Variants in STK17A observed in about 807,000 individuals in gnomAD.
STK17A encodes the protein serine/threonine kinase 17a, also known as serine/threonine-protein kinase 17A.
STK17A carries 26 observed loss-of-function variants against 43.7 expected under a neutral mutation model. The ratio of observed to expected loss-of-function variants is 0.60; its 90% CI spans 0.44 to 0.83. The LOEUF is 0.83. STK17A is among the 40% of genes least tolerant of loss of function. STK17A has a pLI of 0.00. For synonymous variants in STK17A, 191 were observed against 182.5 expected, an observed-to-expected ratio of 1.05 and a Z score of -0.38; for missense variants, 476 against 511.6, an observed-to-expected ratio of 0.93 and a Z score of 0.67.
chr7:43,616,456 A>G lies in STK17A; in HGVS notation c.565-3141A>G, dbSNP rs1583672152. ...GTGGTAGGCACTGATCACAGTGACAAAAGAGTAATCAGTACTGTGGCTTCT... is the reference window on the plus strand; with the variant it reads ...GTGGTAGGCACTGATCACAGTGACAGAAGAGTAATCAGTACTGTGGCTTCT... On this transcript the variant is annotated intron_variant, in intron 3 of 6. Transcript: ENST00000319357. 2.6e-5 allele frequency among the ~76,000 whole-genome samples: 4 copies of G among 152,320 alleles called. No homozygotes were observed. In the South Asian group the frequency reaches 6.2e-4, roughly 24 times the overall value.
intron 2 of STK17A, among the ~76,000 whole-genome samples, chr7:43,606,916 C>CTGTTTTTTT (rs2082597963): frequency 1.6e-5 from 1 of 62,648 alleles, no homozygotes; most frequent in Non-Finnish European, 2.7e-5. Context: ...TTTCGATTTT[C>CTGTTTTTTT]TTTTTTTTTT....
chr7:43,592,945 G>T lies in STK17A; in HGVS notation c.207-2956G>T, dbSNP rs572343533. Among the ~76,000 whole-genome samples, 3 of 152,274 alleles carry T rather than the reference G, an allele frequency of 2.0e-5. No individual in the cohort carries two copies. In the East Asian group the frequency reaches 5.8e-4, roughly 29 times the overall value. ...TTTTAGAAAGCTTTTTAAAAAAATA[G>T]ATTCAGGGGTACAAGTGCATTTGTG... On this transcript the variant is annotated intron_variant, in intron 1 of 6. Transcript: ENST00000319357.
Position 43,624,624 on chromosome 7 carries a change from C to T in STK17A, c.1027C>T (p.Leu343Phe), listed in dbSNP as rs896602971. The T allele has an allele frequency of 1.9e-6, 3 of 1,614,086 alleles. No individual in the cohort carries two copies. In the Admixed American group the frequency reaches 5.0e-5, roughly 27 times the overall value. ...MEKALEEANA[L>F]QEGHSVPEIN... ...AAAGGCACTAGAAGAAGCAAATGCCCTCCAAGAAGGTCATTCTGTGCCTGA... is the reference window on the plus strand; with the variant it reads ...AAAGGCACTAGAAGAAGCAAATGCCTTCCAAGAAGGTCATTCTGTGCCTGA... The change falls in exon 7 of 7, where the codon CTC becomes TTC. Residue 343 changes from leucine (L) to phenylalanine (F), a missense_variant. Transcript: ENST00000319357.
intron 3 of STK17A, among the ~76,000 whole-genome samples, chr7:43,612,798 G>T (rs1487887001): frequency 6.6e-6 from 1 of 152,094 alleles, no homozygotes; most frequent in South Asian, 2.1e-4. Context: ...AATAGAGCTG[G>T]GAAAGTTCTT....
chr7:43,613,324 G>A (rs1400600979), intron 3 of STK17A, among the ~76,000 whole-genome samples: 1 of 152,156 alleles, frequency 6.6e-6, no homozygotes, highest in Non-Finnish European at 1.5e-5. Flanking sequence ...GTGATGTGTG[G>A]TATTATAATA....
intron 1 of STK17A, among the ~76,000 whole-genome samples, chr7:43,588,898 A>C (rs1295916458): frequency 1.3e-5 from 2 of 151,520 alleles, no homozygotes; most frequent in Admixed American, 1.3e-4. Context: ...TCAAGTACAT[A>C]AAAGCACTAC....
At chr7:43,589,943 ATTTT>A (rs1380179110) in intron 1 of STK17A, among the ~76,000 whole-genome samples, 1 of 144,892 alleles carries the variant, frequency 6.9e-6, no homozygotes, top group African/African-American at 2.6e-5. Flanking sequence ...TTTTAATTTT[ATTTT>A]ATTTTATTTT....
chr7:43,605,713 A>G (rs1355219270), intron 2 of STK17A, among the ~76,000 whole-genome samples: 1 of 151,764 alleles, frequency 6.6e-6, no homozygotes, highest in Admixed American at 6.6e-5. Context: ...AATTGTTACC[A>G]AGTAGGAAGA....
At chr7:43,621,094 G>A (rs889803856) in intron 4 of STK17A, among the ~76,000 whole-genome samples, 3 of 152,198 alleles carry the variant, frequency 2.0e-5, no homozygotes, top group Non-Finnish European at 2.9e-5. Context: ...CAGGAGGGCC[G>A]ATAGGGTTGA....
intron 4 of STK17A, among the ~76,000 whole-genome samples, chr7:43,620,833 A>G (rs2153010365): frequency 6.6e-6 from 1 of 152,294 alleles, no homozygotes. Context: ...TCAGTGTGGA[A>G]GTCACCTAGG....
chr7:43,596,911 C>T (rs948535355), intron 2 of STK17A, among the ~76,000 whole-genome samples: 1 of 151,352 alleles, frequency 6.6e-6, no homozygotes, highest in African/African-American at 2.4e-5. Context: ...CCTGTAATCC[C>T]AGCACTTTGG....
intron 3 of STK17A, among the ~76,000 whole-genome samples, chr7:43,610,310 G>A (rs189588651): frequency 1.2e-3 from 161 of 129,464 alleles, no homozygotes; most frequent in African/African-American, 4.6e-3. Flanking sequence ...TCGTGCCACT[G>A]CACTCCAGCC....
intron 1 of STK17A, among the ~76,000 whole-genome samples, chr7:43,586,366 A>C (rs541443085): frequency 2.0e-5 from 3 of 151,742 alleles, no homozygotes; most frequent in African/African-American, 7.2e-5. Flanking sequence ...GAGTAATGAC[A>C]GGATGTGATG....
chr7:43,618,336 G>A (rs991036487), intron 3 of STK17A, among the ~76,000 whole-genome samples: 1 of 152,178 alleles, frequency 6.6e-6, no homozygotes, highest in African/African-American at 2.4e-5. Flanking sequence ...GGCAGAAAAG[G>A]GGAGAGGGCG....
chr7:43,613,389 T>C (rs1041760209), intron 3 of STK17A, among the ~76,000 whole-genome samples: 1 of 152,156 alleles, frequency 6.6e-6, no homozygotes, highest in African/African-American at 2.4e-5. Context: ...TGTGCTTAGG[T>C]TATATGCAAA....
At chr7:43,587,394 GC>G (rs1211934523) in intron 1 of STK17A, among the ~76,000 whole-genome samples, 2 of 151,314 alleles carry the variant, frequency 1.3e-5, no homozygotes, top group Non-Finnish European at 3.0e-5. Context: ...ACATGACCAA[GC>G]TTCAGTGTCA....
intron 1 of STK17A, among the ~76,000 whole-genome samples, chr7:43,584,635 C>G (rs1344235685): frequency 6.6e-6 from 1 of 151,756 alleles, no homozygotes; most frequent in South Asian, 2.1e-4. Flanking sequence ...CACTGCCTTA[C>G]ACATATTAAG....
At chr7:43,615,948 A>G (rs2083300701) in intron 3 of STK17A, among the ~76,000 whole-genome samples, 1 of 152,074 alleles carries the variant, frequency 6.6e-6, no homozygotes, top group East Asian at 1.9e-4. Context: ...ACACACCCCA[A>G]GCAACCACTC....
At chr7:43,598,626 C>G (rs1024443764) in intron 2 of STK17A, among the ~76,000 whole-genome samples, 6 of 152,144 alleles carry the variant, frequency 3.9e-5, no homozygotes, top group African/African-American at 1.4e-4. Flanking sequence ...TCGAAAACCT[C>G]AGTGAGTCAT....
Sources: allele counts gnomAD v4.1 joint callset (sites outside exome capture counted in the v4.1 genomes callset), GRCh38; gene constraint gnomAD v4.1.1; transcripts MANE v1.5; gene names NCBI Gene and HGNC (gene_info 2026-07-23, HGNC 2026-07-21).